MYO5B: variants seen among roughly 807,000 people sequenced by gnomAD.
MYO5B encodes unconventional myosin-Vb.
In MYO5B, 143 loss-of-function variants were observed where a neutral mutation model predicts 229.3. That is an observed-to-expected ratio of 0.62 (90% CI 0.54 to 0.72). The LOEUF is 0.72. Among genes scored for constraint, MYO5B ranks in the 30% least tolerant of loss-of-function variants. The probability of loss-of-function intolerance (pLI) is 0.00; values close to 1 mark genes in which losing one functional copy is unlikely to be tolerated. For missense variants in MYO5B, 2,321 were observed against 2,331.0 expected (o/e 1.00, Z 0.09); for synonymous variants, 918 against 885.2 (o/e 1.04, Z -0.66).
chr18:50,189,627 G>A (rs1363657590), intron 1 of MYO5B, among the ~76,000 whole-genome samples: 1 of 152,118 alleles, frequency 6.6e-6, no homozygotes, highest in African/African-American at 2.4e-5. Context: ...AACAATAGGA[G>A]CACTAACAGC....
intron 13 of MYO5B, 59 bp downstream of exon 13, chr18:49,954,254 A>G: frequency 6.2e-7 from 1 of 1,605,220 alleles, no homozygotes; most frequent in Non-Finnish European, 8.5e-7. Flanking sequence ...TCTAGAGCCC[A>G]TTGAGTCTAC....
chr18:50,104,158 C>T (rs1455772397), intron 1 of MYO5B, among the ~76,000 whole-genome samples: 1 of 11,470 alleles, frequency 8.7e-5, no homozygotes, highest in Non-Finnish European at 2.6e-4. Context: ...CAGATGAGAA[C>T]TTGTCTATTA....
chr18:50,107,112 T>TTTC (rs1363241310), intron 1 of MYO5B, among the ~76,000 whole-genome samples: 5 of 74,870 alleles, frequency 6.7e-5, no homozygotes, highest in African/African-American at 2.4e-4. Flanking sequence ...AGGGTGCCTT[T>TTTC]TTTTTTTTTT....
intron 1 of MYO5B, among the ~76,000 whole-genome samples, chr18:50,124,529 A>G (rs12051983): frequency 1.3e-4 from 7 of 54,010 alleles, no homozygotes; most frequent in East Asian, 5.0e-4. Flanking sequence ...GAATGTTAAA[A>G]AGAAAAAAAA....
intron 1 of MYO5B, among the ~76,000 whole-genome samples, chr18:50,057,161 T>C (rs976134331): frequency 1.3e-5 from 2 of 152,246 alleles, no homozygotes; most frequent in Non-Finnish European, 2.9e-5. Flanking sequence ...ACATTTCTTC[T>C]ACCCCCAGGT....
intron 4 of MYO5B, among the ~76,000 whole-genome samples, chr18:50,010,758 T>C (rs2026153071): frequency 6.6e-6 from 1 of 152,254 alleles, no homozygotes; most frequent in South Asian, 2.1e-4. Flanking sequence ...ACATATAGAA[T>C]GTGTAGCCTG....
At chr18:50,091,376 T>C (rs943063441) in intron 1 of MYO5B, among the ~76,000 whole-genome samples, 1 of 152,226 alleles carries the variant, frequency 6.6e-6, no homozygotes. Context: ...AGAGCATTTA[T>C]AAATTTTACT....
At chr18:49,919,986 A>C (rs978310050) in intron 17 of MYO5B, among the ~76,000 whole-genome samples, 1 of 152,388 alleles carries the variant, frequency 6.6e-6, no homozygotes, top group Non-Finnish European at 1.5e-5. Context: ...AGCAATATAA[A>C]GGAATAAACT....
intron 1 of MYO5B, among the ~76,000 whole-genome samples, chr18:50,175,398 A>G (rs1175516506): frequency 6.6e-6 from 1 of 152,210 alleles, no homozygotes; most frequent in Non-Finnish European, 1.5e-5. Context: ...CCCACCATTA[A>G]ATAACCACAA....
intron 22 of MYO5B, among the ~76,000 whole-genome samples, chr18:49,892,919 G>A (rs961612831): frequency 4.6e-5 from 7 of 152,150 alleles, no homozygotes; most frequent in East Asian, 1.9e-4. Context: ...TCCTTGCAGC[G>A]TCCTTAATTT....
At chr18:50,111,559 A>C (rs1325203270) in intron 1 of MYO5B, among the ~76,000 whole-genome samples, 3 of 152,240 alleles carry the variant, frequency 2.0e-5, no homozygotes, top group East Asian at 1.9e-4. Context: ...AATTCAAAAG[A>C]AACAGGCACC....
chr18:50,163,068 T>C (rs976364154), intron 1 of MYO5B, among the ~76,000 whole-genome samples: 2 of 152,224 alleles, frequency 1.3e-5, no homozygotes, highest in Admixed American at 6.5e-5. Context: ...TCGTGAAGTA[T>C]AGTACTATCA....
At chr18:49,897,709 A>C (rs1598866324) in intron 21 of MYO5B, among the ~76,000 whole-genome samples, 1 of 152,360 alleles carries the variant, frequency 6.6e-6, no homozygotes, top group Middle Eastern at 3.4e-3. Flanking sequence ...ATAAAGTAAA[A>C]ATATTACAGT....
intron 4 of MYO5B, among the ~76,000 whole-genome samples, chr18:50,004,625 G>A (rs1194418330): frequency 1.3e-5 from 2 of 152,104 alleles, no homozygotes; most frequent in African/African-American, 2.4e-5. Context: ...CTAGCCTAGG[G>A]TAGGGCTGGG....
chr18:49,872,217 T>C lies in MYO5B; in HGVS notation c.3553A>G (p.Thr1185Ala). 2 of 1,614,100 alleles carry C rather than the reference T, an allele frequency of 1.2e-6. No homozygotes were observed. Among genetic ancestry groups the C allele is most frequent in the South Asian group, 1.1e-5 (1 of 91,074 alleles). The change falls in exon 27 of 40, where the codon ACT becomes GCT. Residue 1185 changes from threonine (T) to alanine (A), a missense_variant. Around this residue, in one of 2 missense-constraint regions of MYO5B, gnomAD observed 2,113 missense variants for 2,044.7 expected, o/e 1.03. Transcript: ENST00000285039. The stretch of plus-strand genomic sequence containing the variant: ...GCATTCGGGTCCAAATCTATGTCAG[T>C]CTGTGGTGGTTCCGCCTGCATGGAT... ...SKKVQAEPPQ[T>A]DIDLDPNADL...
At chr18:50,104,005 A>AG (rs2031704905) in intron 1 of MYO5B, among the ~76,000 whole-genome samples, 1 of 150,522 alleles carries the variant, frequency 6.6e-6, no homozygotes, top group Non-Finnish European at 1.5e-5. Flanking sequence ...CCATTAAAAA[A>AG]AAAAAAAAAA....
Position 49,904,773 on chromosome 18 carries a change from G to A in MYO5B, c.2470C>T (p.Arg824Cys), listed in dbSNP as rs777038090. Residue 824 changes from arginine to cysteine, a missense_variant, in exon 20 of 40, where the codon CGC becomes TGC. By Grantham distance (180) the Arg-to-Cys change is radical. Around this residue, in one of 2 missense-constraint regions of MYO5B, gnomAD observed 2,113 missense variants for 2,044.7 expected, o/e 1.03. Coordinates refer to ENST00000285039, the MANE Select transcript of MYO5B (RefSeq NM_001080467.3). ...TAGGCCTGGCGGGCCCTCTGCATGC[G>A]GTAATGTTTCTGGAGCACCACAGCC... is the stretch of plus-strand genomic sequence containing the variant. ...RAAVVLQKHY[R>C]MQRARQAYQR... The A allele has an allele frequency of 8.7e-6, 14 of 1,613,858 alleles. No individual in the cohort carries two copies. The highest frequency in any genetic ancestry group is 2.2e-5 in the East Asian group (1 of 44,876).
intron 29 of MYO5B, among the ~76,000 whole-genome samples, chr18:49,862,581 C>G (rs1318747200): frequency 2.0e-5 from 3 of 152,240 alleles, no homozygotes; most frequent in Admixed American, 1.3e-4. Context: ...GACACTCTGC[C>G]TTGGGGGTCT....
chr18:50,014,977 GAGA>G (rs1240386619), intron 4 of MYO5B, among the ~76,000 whole-genome samples: 32 of 152,354 alleles, frequency 2.1e-4, no homozygotes, highest in Admixed American at 1.8e-3. Context: ...TGAGGGCTCA[GAGA>G]AGATGACCCT....
Sources: gnomAD v4.1 joint callset for allele counts (sites outside exome capture counted in the v4.1 genomes callset) on GRCh38, gnomAD v4.1.1 for gene constraint, gnomAD v4.1.1 regional missense constraint, MANE v1.5 for transcripts, NCBI Gene and HGNC (gene_info 2026-07-23, HGNC 2026-07-21) for gene names.